Variants in MCCC2 observed in about 807,000 individuals in gnomAD.
The protein encoded by MCCC2 is methylcrotonoyl-CoA carboxylase beta chain, mitochondrial.
Under a neutral mutation model 77.2 loss-of-function variants are expected in MCCC2, and 52 were observed. That is an observed-to-expected ratio of 0.67 (90% CI 0.54 to 0.85). The LOEUF (loss-of-function observed/expected upper bound fraction) is 0.85. MCCC2 is among the 40% of genes least tolerant of loss of function. The probability of loss-of-function intolerance (pLI) is 0.00; values close to 1 mark genes in which losing one functional copy is unlikely to be tolerated. For synonymous variants in MCCC2, 253 were observed against 248.4 expected (o/e 1.02, Z -0.18); for missense variants, 682 against 703.2 (o/e 0.97, Z 0.34).
At chr5:71,623,503 AAGTGAGAG>A (rs939620555) in intron 6 of MCCC2, among the ~76,000 whole-genome samples, 2 of 152,182 alleles carry the variant, frequency 1.3e-5, no homozygotes, top group African/African-American at 2.4e-5. Context: ...GACTTCATCA[AAGTGAGAG>A]AGTGAGAAGA....
intron 2 of MCCC2, among the ~76,000 whole-genome samples, chr5:71,594,861 A>G (rs1227887497): frequency 1.3e-5 from 2 of 151,480 alleles, no homozygotes; most frequent in Non-Finnish European, 2.9e-5. Flanking sequence ...CACTCTAGAC[A>G]GAATTGCTAA....
Position 71,599,773 on chromosome 5 carries a change from C to T in MCCC2, c.383+13C>T. On this transcript the variant is annotated intron_variant, in intron 4 of 16. Transcript: ENST00000340941. ...GAAGAGTATCAGGGTGAGTATTCTA[C>T]TTGTGCTTCATAATGTGGGTTGAGA... 3 of 1,601,786 alleles carry T rather than the reference C, an allele frequency of 1.9e-6. No individual in the cohort carries two copies. The highest frequency in any genetic ancestry group is 1.1e-5 in the South Asian group (1 of 90,802).
Position 71,604,795 on chromosome 5 carries a change from T to C in MCCC2, c.624+327T>C, listed in dbSNP as rs1314721286. ...CCCTTCCTGTGTCCATGTGATCTCA[T>C]TGTTCAATTCCCACCTATGAGTGAG... On this transcript the variant is annotated intron_variant, in intron 6 of 16. Transcript: ENST00000340941. 8.3e-5 allele frequency among the ~76,000 whole-genome samples: 12 copies of C among 144,938 alleles called. No homozygotes were observed. The Admixed American group carries it at 8.4e-4, about 10-fold the overall frequency.
intron 10 of MCCC2, among the ~76,000 whole-genome samples, chr5:71,639,168 C>T (rs749303764): frequency 2.0e-5 from 3 of 152,204 alleles, no homozygotes; most frequent in African/African-American, 2.4e-5. Context: ...TAGCCTTTAA[C>T]GAGAGAGTAA....
intron 1 of MCCC2, among the ~76,000 whole-genome samples, chr5:71,591,553 C>T (rs1198605529): frequency 6.6e-6 from 1 of 150,852 alleles, no homozygotes; most frequent in Non-Finnish European, 1.5e-5. Context: ...TCTCCTGCCT[C>T]AGCCTCCCGA....
intron 6 of MCCC2, among the ~76,000 whole-genome samples, chr5:71,621,865 C>T (rs916865569): frequency 2.0e-5 from 3 of 151,720 alleles, no homozygotes; most frequent in African/African-American, 7.3e-5. Context: ...ATAATAATAA[C>T]AACTGCACAT....
At chr5:71,655,705 G>C (rs1391053238) in intron 16 of MCCC2, among the ~76,000 whole-genome samples, 2 of 152,028 alleles carry the variant, frequency 1.3e-5, no homozygotes, top group African/African-American at 4.8e-5. Context: ...ATACCGAAGG[G>C]AGTTTATATA....
intron 12 of MCCC2, 88 bp from the exon 13 acceptor site, chr5:71,646,123 T>C: frequency 8.5e-7 from 1 of 1,176,278 alleles, no homozygotes; most frequent in Non-Finnish European, 1.3e-6. Flanking sequence ...CTTTCTTGTC[T>C]TTGGCTGAAG....
chr5:71,641,225 TA>T, intron 11 of MCCC2, 150 bp downstream of exon 11: 1 of 702,488 alleles, frequency 1.4e-6, no homozygotes, highest in South Asian at 1.6e-5. Context: ...AACTGCTTTA[TA>T]AACATAATTT....
At chr5:71,598,442 T>G (rs1424139448) in intron 3 of MCCC2, among the ~76,000 whole-genome samples, 3 of 151,616 alleles carry the variant, frequency 2.0e-5, no homozygotes, top group Non-Finnish European at 4.4e-5. Context: ...ATTAATTAAT[T>G]AATTATTTAT....
At chr5:71,653,553 G>C (rs1307406245) in intron 16 of MCCC2, among the ~76,000 whole-genome samples, 2 of 150,086 alleles carry the variant, frequency 1.3e-5, no homozygotes, top group African/African-American at 4.8e-5. Flanking sequence ...GGAGAGGGGA[G>C]AGAAAAGAAA....
chr5:71,634,474 GCAT>G (rs1746847893), intron 8 of MCCC2, among the ~76,000 whole-genome samples: 1 of 152,158 alleles, frequency 6.6e-6, no homozygotes, highest in Non-Finnish European at 1.5e-5. Context: ...GCCAGAATTG[GCAT>G]CTCCATTAGG....
chr5:71,598,575 G>C (rs1029376341), intron 3 of MCCC2, among the ~76,000 whole-genome samples: 25 of 151,142 alleles, frequency 1.7e-4, no homozygotes, highest in Admixed American at 3.3e-4. Context: ...GAGTAGCTGG[G>C]ATTACAGGCA....
chr5:71,588,812 GAAT>G (rs1388157709), intron 1 of MCCC2, among the ~76,000 whole-genome samples: 3 of 152,096 alleles, frequency 2.0e-5, no homozygotes, highest in African/African-American at 7.2e-5. Context: ...GTGAGGACTT[GAAT>G]TCCATGTCTA....
Position 71,626,032 on chromosome 5 carries a change from C to T in MCCC2, c.625-608C>T, listed in dbSNP as rs144138392. ...ATTTCTGAGCAAGATTTTTTTAAAG[C>T]TTTTTATTATGGAAAATTTTAAACA... On this transcript the variant is annotated intron_variant, in intron 6 of 16. Transcript: ENST00000340941. Among the ~76,000 whole-genome samples the T allele has an allele frequency of 8.7e-3, 1,320 of 152,052 alleles. 24 individuals carry two copies. Among genetic ancestry groups the T allele is most frequent in the African/African-American group, 0.03 (1,228 of 41,482 alleles).
rs146726379 is a variant in MCCC2, at chr5:71,656,715, C to G, written c.1575-28C>G. The G allele has an allele frequency of 3.8e-5, 59 of 1,569,566 alleles. No homozygotes were observed. In the East Asian group the frequency reaches 1.3e-3, roughly 35 times the overall value. On this transcript the variant is annotated intron_variant, in intron 16 of 16. Coordinates refer to ENST00000340941, the MANE Select transcript of MCCC2 (RefSeq NM_022132.5). ...ATAAATGGTAGTTTGGTGGTAAATTCATAACTCTTTTTTTGTTCTTTTGTC... is the reference window on the plus strand; with the variant it reads ...ATAAATGGTAGTTTGGTGGTAAATTGATAACTCTTTTTTTGTTCTTTTGTC...
At chr5:71,639,733 T>A (rs1747057094) in intron 10 of MCCC2, among the ~76,000 whole-genome samples, 2 of 152,374 alleles carry the variant, frequency 1.3e-5, no homozygotes, top group South Asian at 4.1e-4. Context: ...GCCGTATCTC[T>A]GTGTGGAAGA....
At chr5:71,639,195 C>T (rs532235856) in intron 10 of MCCC2, among the ~76,000 whole-genome samples, 11 of 152,336 alleles carry the variant, frequency 7.2e-5, no homozygotes, top group East Asian at 1.9e-4. Flanking sequence ...CCTCAGACGA[C>T]GTGCACTAAC....
chr5:71,611,935 C>T (rs558489253), intron 6 of MCCC2, among the ~76,000 whole-genome samples: 2 of 151,780 alleles, frequency 1.3e-5, no homozygotes, highest in East Asian at 3.9e-4. Context: ...ACTACAGGCG[C>T]CCACCACCAT....
Sources: gnomAD v4.1 joint callset for allele counts (sites outside exome capture counted in the v4.1 genomes callset) on GRCh38, gnomAD v4.1.1 for gene constraint, MANE v1.5 for transcripts, NCBI Gene and HGNC (gene_info 2026-07-23, HGNC 2026-07-21) for gene names.